SMC6: variants seen among roughly 807,000 people sequenced by gnomAD.
The protein encoded by SMC6 is structural maintenance of chromosomes 6.
Under a neutral mutation model 142.2 loss-of-function variants are expected in SMC6, and 79 were observed. The ratio of observed to expected loss-of-function variants is 0.56; its 90% CI spans 0.46 to 0.67. SMC6 has a LOEUF of 0.67. Among genes scored for constraint, SMC6 ranks in the 30% least tolerant of loss-of-function variants. The pLI is 0.00. For missense variants in SMC6, 1,072 were observed against 1,284.0 expected (o/e 0.83, Z 2.52); for synonymous variants, 411 against 412.4 (o/e 1.00, Z 0.04).
intron 2 of SMC6, chr2:17,746,262 G>A (rs1670742386): frequency 4.8e-6 from 1 of 206,822 alleles, no homozygotes; most frequent in Non-Finnish European, 9.6e-6. Flanking sequence ...AAGATAGTAA[G>A]TTTGTATTGC....
chr2:17,736,008 G>C (rs78552859), intron 5 of SMC6, among the ~76,000 whole-genome samples: 1 of 152,122 alleles, frequency 6.6e-6, no homozygotes, highest in Non-Finnish European at 1.5e-5. Context: ...CTCCTTCATA[G>C]ACTTTAGATG....
intron 18 of SMC6, 149 bp downstream of exon 18, chr2:17,707,070 A>G (rs1023627869): frequency 8.2e-5 from 41 of 497,238 alleles, no homozygotes; most frequent in Middle Eastern, 5.4e-4. Context: ...CTCGAATTCT[A>G]TGACTAGCTA....
At chr2:17,725,112 C>T (rs1209756662) in intron 9 of SMC6, 145 bp downstream of exon 9, 1 of 581,176 alleles carries the variant, frequency 1.7e-6, no homozygotes, top group East Asian at 3.1e-5. Context: ...AATATAAACA[C>T]TACATTGCAT....
chr2:17,707,489 C>A (rs1668606558), intron 17 of SMC6, 110 bp from the exon 18 acceptor site: 1 of 561,654 alleles, frequency 1.8e-6, no homozygotes, highest in African/African-American at 2.0e-5. Context: ...TTCAAGTATT[C>A]TTTTTAAAAC....
intron 7 of SMC6, among the ~76,000 whole-genome samples, chr2:17,729,649 C>CT (rs1669811906): frequency 6.6e-6 from 1 of 152,330 alleles, no homozygotes; most frequent in Non-Finnish European, 1.5e-5. Context: ...TTCCTCAACT[C>CT]TAACTTTTGG....
chr2:17,693,370 A>G (rs1667824928), intron 23 of SMC6, among the ~76,000 whole-genome samples: 1 of 152,200 alleles, frequency 6.6e-6, no homozygotes. Flanking sequence ...CAGCCATAAA[A>G]AATGACGAGT....
intron 23 of SMC6, 69 bp from the exon 24 acceptor site, chr2:17,683,832 A>G: frequency 7.1e-7 from 1 of 1,403,150 alleles, no homozygotes; most frequent in South Asian, 1.2e-5. Flanking sequence ...AGAATCTCAA[A>G]CAGATTTAAC....
intron 23 of SMC6, among the ~76,000 whole-genome samples, chr2:17,690,553 C>T (rs936085195): frequency 6.6e-6 from 1 of 151,946 alleles, no homozygotes; most frequent in Admixed American, 6.6e-5. Flanking sequence ...AAGATTGCAC[C>T]ACTGCACTCC....
intron 22 of SMC6, among the ~76,000 whole-genome samples, chr2:17,695,564 T>A (rs1667949672): frequency 6.6e-6 from 1 of 152,208 alleles, no homozygotes; most frequent in African/African-American, 2.4e-5. Context: ...ACAAATTTAA[T>A]GCAGCAGTTA....
chr2:17,735,200 T>C (rs995656079), intron 5 of SMC6, among the ~76,000 whole-genome samples: 1 of 152,050 alleles, frequency 6.6e-6, no homozygotes, highest in Non-Finnish European at 1.5e-5. Flanking sequence ...TACACTGATA[T>C]GGTCTGTGCT....
intron 9 of SMC6, among the ~76,000 whole-genome samples, chr2:17,723,406 C>T (rs192632177): frequency 6.6e-6 from 1 of 152,314 alleles, no homozygotes; most frequent in Non-Finnish European, 1.5e-5. Flanking sequence ...CCTCCACAAC[C>T]TGGCCTCTCA....
intron 22 of SMC6, among the ~76,000 whole-genome samples, chr2:17,696,051 A>G (rs917308603): frequency 2.0e-5 from 3 of 152,174 alleles, no homozygotes; most frequent in African/African-American, 7.2e-5. Context: ...AGACAGCGCT[A>G]CTTTCTAAAG....
intron 3 of SMC6, among the ~76,000 whole-genome samples, chr2:17,745,623 A>G (rs950876908): frequency 1.6e-4 from 25 of 151,822 alleles, no homozygotes; most frequent in Non-Finnish European, 4.4e-5. Context: ...TTTTATTCAC[A>G]TTTCTATACA....
At chr2:17,747,185 T>C (rs1670794756) in intron 2 of SMC6, among the ~76,000 whole-genome samples, 1 of 152,160 alleles carries the variant, frequency 6.6e-6, no homozygotes, top group South Asian at 2.1e-4. Flanking sequence ...CTCCTTCTCC[T>C]AGTTGGCTAG....
chr2:17,706,227 A>ATT (rs1241154948), intron 18 of SMC6, among the ~76,000 whole-genome samples: 1 of 151,968 alleles, frequency 6.6e-6, no homozygotes, highest in Admixed American at 6.6e-5. Flanking sequence ...TTCACAGGTA[A>ATT]TTTTTTTTAT....
At chr2:17,708,063 G>A (rs920284003) in intron 17 of SMC6, among the ~76,000 whole-genome samples, 7 of 151,484 alleles carry the variant, frequency 4.6e-5, no homozygotes, top group Admixed American at 1.3e-4. Flanking sequence ...ATCTATCAAT[G>A]AGAAAAAAGA....
intron 23 of SMC6, among the ~76,000 whole-genome samples, chr2:17,693,251 T>C (rs906941342): frequency 6.6e-6 from 1 of 152,132 alleles, no homozygotes; most frequent in African/African-American, 2.4e-5. Context: ...CACATGCACA[T>C]GTATGTTTAT....
intron 7 of SMC6, among the ~76,000 whole-genome samples, chr2:17,729,564 G>A (rs987414054): frequency 6.6e-6 from 1 of 151,850 alleles, no homozygotes; most frequent in Admixed American, 6.6e-5. Flanking sequence ...ACCTGGTGGA[G>A]ATTCTACACA....
At chr2:17,733,988 C>T (rs758566796) in intron 5 of SMC6, among the ~76,000 whole-genome samples, 4 of 152,120 alleles carry the variant, frequency 2.6e-5, no homozygotes, top group Non-Finnish European at 5.9e-5. Context: ...AACACACTCA[C>T]TTACCTGTAC....
Sources: gnomAD v4.1 joint callset for allele counts (sites outside exome capture counted in the v4.1 genomes callset) on GRCh38, gnomAD v4.1.1 for gene constraint, MANE v1.5 for transcripts, NCBI Gene and HGNC (gene_info 2026-07-23, HGNC 2026-07-21) for gene names.